Variants in DSC1 observed in about 807,000 individuals in gnomAD.
The protein encoded by DSC1 is desmocollin 1.
Under a neutral mutation model 98.8 loss-of-function variants are expected in DSC1, and 79 were observed. The observed-to-expected ratio is 0.80, with a 90% CI of 0.67 to 0.96. The LOEUF is 0.96. Among genes scored for constraint, DSC1 ranks in the 50% least tolerant of loss-of-function variants. The pLI is 0.00. For synonymous variants in DSC1, 405 were observed against 372.1 expected (o/e 1.09, Z -1.02); for missense variants, 1,115 against 1,075.9 (o/e 1.04, Z -0.51).
Position 31,130,159 on chromosome 18 carries a change from T to A in DSC1, c.*355A>T, listed in dbSNP as rs1261617514. On this transcript the variant is annotated 3_prime_UTR_variant, in exon 16 of 16. Coordinates refer to ENST00000257198, the MANE Select transcript of DSC1 (RefSeq NM_024421.2). ...TTAATTCGTACATCTACAATGCAAA[T>A]TCATCTTTCATTGGCCTCTATAATA... The A allele has an allele frequency of 5.2e-6, 1 of 192,532 alleles. No homozygotes were observed. Among genetic ancestry groups the A allele is most frequent in the Non-Finnish European group, 1.1e-5 (1 of 93,870 alleles). The allele number at this position is 192,532 out of a possible 1,614,324, so 11.9% of individuals were successfully genotyped here.
rs756999312 is a variant in DSC1 at position 31,148,556 on chromosome 18, G to A, written c.714C>T (p.Asn238=). Reference sequence around the variant, plus strand: ...TCACTCTGTGTTCAAAATATGGGGCGTTATCATTATCATCTTCAATTTTGA... The same window carrying A: ...TCACTCTGTGTTCAAAATATGGGGCATTATCATTATCATCTTCAATTTTGA... ...LIIKIEDDND[N]APYFEHRVTI... Residue 238 remains asparagine (N), a synonymous_variant, in exon 6 of 16, where the codon AAC becomes AAT. Coordinates refer to ENST00000257198, the MANE Select transcript of DSC1 (RefSeq NM_024421.2). 6 of 1,611,794 alleles carry A rather than the reference G, an allele frequency of 3.7e-6. No homozygotes were observed. In the African/African-American group the frequency reaches 4.0e-5, roughly 11 times the overall value.
intron 5 of DSC1, chr18:31,150,931 T>C (rs1442107441): frequency 6.6e-6 from 1 of 152,214 alleles, no homozygotes; most frequent in African/African-American, 2.4e-5. Context: ...ATTCTACTCA[T>C]CTTTCCTTTT....
At chr18:31,145,508 G>T in intron 7 of DSC1, 103 bp downstream of exon 7, 2 of 1,310,994 alleles carry the variant, frequency 1.5e-6, no homozygotes, top group Non-Finnish European at 2.1e-6. Context: ...ACAGAAGCAT[G>T]CTGAGAAAGG....
At chr18:31,142,253 G>A (rs747011070) in intron 8 of DSC1, 69 bp from the exon 9 acceptor site, 601 of 1,482,782 alleles carry the variant, frequency 4.1e-4, no homozygotes, top group Non-Finnish European at 5.0e-4. Context: ...TCTAAAACAC[G>A]TATTTAAAGA....
At chr18:31,153,561 T>C (rs1989039962) in intron 5 of DSC1, among the ~76,000 whole-genome samples, 1 of 152,186 alleles carries the variant, frequency 6.6e-6, no homozygotes, top group Non-Finnish European at 1.5e-5. Context: ...TATTTAATTA[T>C]GAAACATCTA....
chr18:31,154,171 G>C (rs941410929), intron 5 of DSC1, among the ~76,000 whole-genome samples: 9 of 151,984 alleles, frequency 5.9e-5, no homozygotes, highest in African/African-American at 2.2e-4. Flanking sequence ...TCTTTGGGTA[G>C]GATAAGATAG....
At chr18:31,134,213 G>C in intron 12 of DSC1, 83 bp from the exon 13 acceptor site, 1 of 1,463,554 alleles carries the variant, frequency 6.8e-7, no homozygotes, top group Non-Finnish European at 9.1e-7. Flanking sequence ...CAGTGGAAGG[G>C]AATCAATTTA....
At chr18:31,148,828 C>T (rs1988902374) in intron 5 of DSC1, among the ~76,000 whole-genome samples, 186 bp from the exon 6 acceptor site, 1 of 152,086 alleles carries the variant, frequency 6.6e-6, no homozygotes, top group African/African-American at 2.4e-5. Flanking sequence ...GATTTCAATC[C>T]CCTCTCAGCG....
At chr18:31,135,820 G>T (rs1171700166) in intron 11 of DSC1, among the ~76,000 whole-genome samples, 3 of 152,028 alleles carry the variant, frequency 2.0e-5, no homozygotes, top group African/African-American at 7.2e-5. Flanking sequence ...AAACAGAAAG[G>T]TAATTGATGT....
chr18:31,162,160 G>A (rs879820870), intron 1 of DSC1, among the ~76,000 whole-genome samples: 3 of 152,150 alleles, frequency 2.0e-5, no homozygotes, highest in Non-Finnish European at 4.4e-5. Flanking sequence ...GTAGAACTCA[G>A]CATGTTAAAT....
At chr18:31,130,774 A>C (rs1375983092) in intron 15 of DSC1, 63 bp from the exon 16 acceptor site, 1 of 1,611,908 alleles carries the variant, frequency 6.2e-7, no homozygotes, top group East Asian at 2.2e-5. Context: ...TTAGCAGAAA[A>C]ATGATGTCTT....
At chr18:31,153,245 C>T (rs1989034347) in intron 5 of DSC1, among the ~76,000 whole-genome samples, 1 of 152,096 alleles carries the variant, frequency 6.6e-6, no homozygotes, top group African/African-American at 2.4e-5. Flanking sequence ...AATATTGCAA[C>T]ATACAGAGTA....
chr18:31,162,318 G>A (rs1303992373), intron 1 of DSC1, among the ~76,000 whole-genome samples: 2 of 152,130 alleles, frequency 1.3e-5, no homozygotes, highest in Non-Finnish European at 2.9e-5. Flanking sequence ...TTAACACTCT[G>A]GCAGTGGGTG....
At chr18:31,136,887 T>C (rs1182112272) in intron 11 of DSC1, among the ~76,000 whole-genome samples, 1 of 152,134 alleles carries the variant, frequency 6.6e-6, no homozygotes, top group Non-Finnish European at 1.5e-5. Context: ...CAGCCAAAAA[T>C]AAGTAATTAC....
At chr18:31,156,768 G>A (rs1431792338) in intron 3 of DSC1, among the ~76,000 whole-genome samples, 1 of 152,200 alleles carries the variant, frequency 6.6e-6, no homozygotes, top group Non-Finnish European at 1.5e-5. Context: ...TGCTGAAAAT[G>A]AGATGTGAAT....
chr18:31,160,183 T>C (rs1989183432), intron 1 of DSC1, among the ~76,000 whole-genome samples: 1 of 152,154 alleles, frequency 6.6e-6, no homozygotes, highest in African/African-American at 2.4e-5. Flanking sequence ...GCTATTGTTT[T>C]TAAAACCTAG....
chr18:31,155,207 T>C (rs1568004680), intron 4 of DSC1, among the ~76,000 whole-genome samples: 1 of 152,236 alleles, frequency 6.6e-6, no homozygotes, highest in Non-Finnish European at 1.5e-5. Flanking sequence ...AAGTTTTATC[T>C]ATTTATTCTT....
chr18:31,132,271 C>T (rs890797128), intron 14 of DSC1: 10 of 345,350 alleles, frequency 2.9e-5, no homozygotes, highest in Non-Finnish European at 5.3e-5. Flanking sequence ...GAACAGATCC[C>T]TCCCCAGTTC....
At chr18:31,155,493 C>T (rs2852000) in intron 4 of DSC1, among the ~76,000 whole-genome samples, 4 of 151,556 alleles carry the variant, frequency 2.6e-5, no homozygotes, top group African/African-American at 9.7e-5. Flanking sequence ...AGCTGGGCTT[C>T]GTGGTGGGTG....
Sources: allele counts gnomAD v4.1 joint callset (sites outside exome capture counted in the v4.1 genomes callset), GRCh38; gene constraint gnomAD v4.1.1; transcripts MANE v1.5; gene names NCBI Gene and HGNC (gene_info 2026-07-23, HGNC 2026-07-21).